The following PARD3 variants were observed in gnomAD, a reference collection of about 807,000 sequenced individuals.
The protein encoded by PARD3 is par-3 family cell polarity regulator, also known as partitioning defective 3 homolog.
In PARD3, 75 loss-of-function variants were observed where a neutral mutation model predicts 155.4. That is an observed-to-expected ratio of 0.48 (90% CI 0.40 to 0.58). The LOEUF is 0.58. Among genes scored for constraint, PARD3 ranks in the 20% least tolerant of loss-of-function variants. The pLI, the probability that PARD3 is intolerant of heterozygous loss-of-function variation, is 0.00. For missense variants in PARD3, 1,642 were observed against 1,721.7 expected, an observed-to-expected ratio of 0.95 and a Z score of 0.82; for synonymous variants, 576 against 610.5, an observed-to-expected ratio of 0.94 and a Z score of 0.83.
chr10:34,651,333 T>C (rs940954169), intron 2 of PARD3, among the ~76,000 whole-genome samples: 1 of 152,222 alleles, frequency 6.6e-6, no homozygotes, highest in African/African-American at 2.4e-5. Flanking sequence ...TCACAACCCT[T>C]TGATACTCCC....
intron 1 of PARD3, among the ~76,000 whole-genome samples, chr10:34,755,021 C>T (rs1224948296): frequency 6.6e-6 from 1 of 152,132 alleles, no homozygotes; most frequent in Non-Finnish European, 1.5e-5. Flanking sequence ...GAGATTGTCA[C>T]TTTTCCAAGG....
chr10:34,233,562 G>T (rs779857821), intron 22 of PARD3, among the ~76,000 whole-genome samples: 2 of 152,040 alleles, frequency 1.3e-5, no homozygotes, highest in Non-Finnish European at 2.9e-5. Flanking sequence ...AACTCAGCAT[G>T]TTCTAAACTC....
chr10:34,254,471 TG>T (rs1398200791), intron 22 of PARD3, among the ~76,000 whole-genome samples: 1 of 152,146 alleles, frequency 6.6e-6, no homozygotes, highest in African/African-American at 2.4e-5. Flanking sequence ...TTTTTGTCAT[TG>T]TAATTGTGTA....
At chr10:34,651,791 T>C (rs138932092) in intron 2 of PARD3, among the ~76,000 whole-genome samples, 1 of 152,364 alleles carries the variant, frequency 6.6e-6, no homozygotes, top group East Asian at 1.9e-4. Flanking sequence ...ACTTATCTTC[T>C]GCTCATGCTT....
In PARD3 at chr10:34,119,611, A is replaced by T; in HGVS notation, c.3668+2T>A. Reference sequence around the variant, plus strand: ...TGGAGGCTCGGCCAAGCGTCCTCATACCGAGGCAGAGAGCTGTACTGGCGC... The same window carrying T: ...TGGAGGCTCGGCCAAGCGTCCTCATTCCGAGGCAGAGAGCTGTACTGGCGC... On this transcript the variant is annotated splice_donor_variant, in intron 24 of 24. Transcript: ENST00000374788. LOFTEE classifies it high-confidence loss of function. 1 of 1,598,054 alleles carries T rather than the reference A, an allele frequency of 6.3e-7. No individual in the cohort carries two copies. The highest frequency in any genetic ancestry group is 1.1e-5 in the South Asian group (1 of 89,984).
chr10:34,749,664 C>T (rs1340658088), intron 1 of PARD3, among the ~76,000 whole-genome samples: 2 of 151,880 alleles, frequency 1.3e-5, no homozygotes, highest in East Asian at 1.9e-4. Context: ...TATGTATTGC[C>T]GGATATATGG....
chr10:34,485,817 G>C (rs573220992), intron 3 of PARD3, among the ~76,000 whole-genome samples: 9 of 151,968 alleles, frequency 5.9e-5, no homozygotes, highest in African/African-American at 2.2e-4. Flanking sequence ...ATATATTTTG[G>C]GGTAAAATAC....
intron 1 of PARD3, among the ~76,000 whole-genome samples, chr10:34,761,286 C>T (rs7074053): frequency 6.6e-6 from 1 of 151,980 alleles, no homozygotes; most frequent in African/African-American, 2.4e-5. Context: ...TTGCGTGTAC[C>T]CATAGTCCCA....
intron 22 of PARD3, among the ~76,000 whole-genome samples, chr10:34,184,698 GT>G (rs9336860): frequency 2.8e-4 from 38 of 135,002 alleles, no homozygotes; most frequent in African/African-American, 5.5e-4. Context: ...AGGCCTTTCG[GT>G]TTTTTTTTTT....
chr10:34,182,742 T>TAAAAAAAAA (rs11406207), intron 22 of PARD3, among the ~76,000 whole-genome samples: 1 of 133,382 alleles, frequency 7.5e-6, no homozygotes, highest in Non-Finnish European at 1.6e-5. Context: ...CTACATTTCT[T>TAAAAAAAAA]AAAAAAAAAA....
At chr10:34,425,436 G>C (rs1266755305) in intron 5 of PARD3, among the ~76,000 whole-genome samples, 1 of 152,098 alleles carries the variant, frequency 6.6e-6, no homozygotes, top group Non-Finnish European at 1.5e-5. Flanking sequence ...CTTTTTTGGA[G>C]ATAGGGTCTC....
intron 1 of PARD3, among the ~76,000 whole-genome samples, chr10:34,697,766 A>AACACACACACAC (rs377094946): frequency 0.07 from 10,259 of 146,428 alleles, 447 homozygotes; most frequent in Non-Finnish European, 0.085. Flanking sequence ...TTGTAAAACA[A>AACACACACACAC]ACACTCACAC....
intron 19 of PARD3, among the ~76,000 whole-genome samples, chr10:34,323,519 G>C (rs980038999): frequency 5.9e-5 from 9 of 152,112 alleles, no homozygotes; most frequent in Admixed American, 1.3e-4. Context: ...CTGGGAGAAA[G>C]TTCAAATAGA....
intron 2 of PARD3, among the ~76,000 whole-genome samples, chr10:34,546,882 C>T (rs188935950): frequency 1.2e-4 from 19 of 152,322 alleles, no homozygotes; most frequent in Admixed American, 2.0e-4. Flanking sequence ...GGACCCCTGA[C>T]AGCCAGATAA....
At chr10:34,303,155 C>A in intron 20 of PARD3, among the ~76,000 whole-genome samples, 1 of 124,176 alleles carries the variant, frequency 8.1e-6, no homozygotes, top group African/African-American at 3.7e-5. Flanking sequence ...TTTTACTGCC[C>A]AGGTGAATTT....
At chr10:34,346,859 A>G (rs1837485192) in intron 15 of PARD3, among the ~76,000 whole-genome samples, 4 of 152,246 alleles carry the variant, frequency 2.6e-5, no homozygotes, top group Admixed American at 2.6e-4. Context: ...AAAGCTAGAG[A>G]GATTAGAGGA....
At chr10:34,445,871 CAGATCTG>C (rs1196120554) in intron 5 of PARD3, among the ~76,000 whole-genome samples, 32 of 151,890 alleles carry the variant, frequency 2.1e-4, no homozygotes, top group Admixed American at 2.1e-3. Flanking sequence ...CCTTGCTTAA[CAGATCTG>C]ACTGTGTGAA....
At chr10:34,488,142 T>C (rs1156972712) in intron 3 of PARD3, among the ~76,000 whole-genome samples, 4 of 152,166 alleles carry the variant, frequency 2.6e-5, no homozygotes, top group Non-Finnish European at 5.9e-5. Context: ...TCCTGCACTT[T>C]ACAAGATTTC....
chr10:34,768,902 T>C (rs1437358829), intron 1 of PARD3, among the ~76,000 whole-genome samples: 1 of 152,104 alleles, frequency 6.6e-6, no homozygotes, highest in African/African-American at 2.4e-5. Context: ...GAATATCCAG[T>C]TCCCAGCGCC....
Sources: gnomAD v4.1 joint callset for allele counts (sites outside exome capture counted in the v4.1 genomes callset) on GRCh38, gnomAD v4.1.1 for gene constraint, MANE v1.5 for transcripts, NCBI Gene and HGNC (gene_info 2026-07-23, HGNC 2026-07-21) for gene names.